INVS: variants seen among roughly 807,000 people sequenced by gnomAD.
The protein encoded by INVS is inversion of embryo turning homolog.
In INVS, 86 loss-of-function variants were observed where a neutral mutation model predicts 108.8. The observed-to-expected ratio is 0.79, with a 90% CI of 0.66 to 0.95. The LOEUF (loss-of-function observed/expected upper bound fraction) is 0.95. INVS is among the 40% of genes least tolerant of loss of function. The pLI, the probability that INVS is intolerant of heterozygous loss-of-function variation, is 0.00. For synonymous variants in INVS, 455 were observed against 473.5 expected, an observed-to-expected ratio of 0.96 and a Z score of 0.51; for missense variants, 1,169 against 1,297.4, an observed-to-expected ratio of 0.90 and a Z score of 1.52.
chr9:100,136,462 C>T (rs116676348), intron 3 of INVS, among the ~76,000 whole-genome samples: 2,754 of 151,920 alleles, frequency 0.018, 90 homozygotes, highest in African/African-American at 0.063. Context: ...ATCATTGTAC[C>T]AAAAAGAAAT....
At chr9:100,235,394 T>C (rs1831654362) in intron 5 of INVS, among the ~76,000 whole-genome samples, 1 of 152,224 alleles carries the variant, frequency 6.6e-6, no homozygotes, top group Non-Finnish European at 1.5e-5. Context: ...TATGTGTGAA[T>C]TTGATCCTGT....
rs775894646 is a variant in INVS, at chr9:100,240,109, G to A, written c.665G>A (p.Arg222Gln). ...SLLNWQDYEG[R>Q]TPLHFAVADG... Reference sequence around the variant, plus strand: ...CTGAACTGGCAAGACTACGAGGGTCGAACTCCTCTTCACTTTGCAGTTGCT... The same window carrying A: ...CTGAACTGGCAAGACTACGAGGGTCAAACTCCTCTTCACTTTGCAGTTGCT... The change falls in exon 6 of 17, where the codon CGA (arginine) becomes CAA (glutamine). Residue 222 changes from arginine to glutamine, a missense_variant. Coordinates refer to ENST00000262457, the MANE Select transcript of INVS (RefSeq NM_014425.5). The A allele has an allele frequency of 3.7e-6, 6 of 1,614,114 alleles. No individual in the cohort carries two copies. The highest frequency in any genetic ancestry group is 1.1e-5 in the South Asian group (1 of 91,078).
intron 10 of INVS, among the ~76,000 whole-genome samples, chr9:100,260,638 A>T (rs1468522103): frequency 6.6e-6 from 1 of 152,170 alleles, no homozygotes; most frequent in Non-Finnish European, 1.5e-5. Context: ...CCTTACAATA[A>T]TCTTATAAAG....
At chr9:100,273,710 G>T (rs1833031930) in intron 12 of INVS, among the ~76,000 whole-genome samples, 1 of 151,284 alleles carries the variant, frequency 6.6e-6, no homozygotes, top group East Asian at 2.0e-4. Flanking sequence ...GGTAATTTTT[G>T]TATTTTTAGT....
At chr9:100,236,688 G>A (rs1043022076) in intron 5 of INVS, among the ~76,000 whole-genome samples, 2 of 152,158 alleles carry the variant, frequency 1.3e-5, no homozygotes, top group African/African-American at 4.8e-5. Context: ...ACCAGCAGAG[G>A]CTACGGAACA....
rs1833812541 is a variant in INVS, at chr9:100,297,070, C to G, written c.2940C>G (p.Ser980Arg). Residue 980 changes from serine to arginine, a missense_variant, in exon 15 of 17, where the codon AGC (serine) becomes AGG (arginine). Coordinates refer to ENST00000262457, the MANE Select transcript of INVS (RefSeq NM_014425.5). ...ELKFPQTTAVSKAPKSPSKGT... is the reference protein window; with the variant it reads ...ELKFPQTTAVRKAPKSPSKGT... ...AATTCCCCCAAACCACTGCAGTAAG[C>G]AAGGCCCCCAAGAGTCCATCCAAGG... The G allele has an allele frequency of 1.2e-6, 2 of 1,613,902 alleles. No homozygotes were observed. Among genetic ancestry groups the G allele is most frequent in the Admixed American group, 1.7e-5 (1 of 59,988 alleles).
intron 3 of INVS, among the ~76,000 whole-genome samples, chr9:100,143,772 C>T (rs895907815): frequency 2.6e-5 from 4 of 151,956 alleles, no homozygotes; most frequent in South Asian, 4.2e-4. Context: ...GAAGCCTGGC[C>T]GTCAGTACCT....
intron 3 of INVS, among the ~76,000 whole-genome samples, chr9:100,195,770 G>A (rs1398533213): frequency 6.6e-6 from 1 of 152,144 alleles, no homozygotes; most frequent in Admixed American, 6.5e-5. Flanking sequence ...TTACAGGCGT[G>A]AGCCACCACA....
At chr9:100,155,930 C>T (rs1269830436) in intron 3 of INVS, among the ~76,000 whole-genome samples, 4 of 152,170 alleles carry the variant, frequency 2.6e-5, no homozygotes, top group African/African-American at 9.7e-5. Context: ...AATTTCATAG[C>T]ACTAGCTACT....
At chr9:100,272,126 C>T (rs1462430409) in intron 11 of INVS, among the ~76,000 whole-genome samples, 1 of 151,722 alleles carries the variant, frequency 6.6e-6, no homozygotes, top group East Asian at 1.9e-4. Context: ...CCTCGGCCTC[C>T]CAAAGTGCTG....
intron 3 of INVS, among the ~76,000 whole-genome samples, chr9:100,201,181 A>G (rs1169457064): frequency 2.6e-5 from 4 of 152,242 alleles, no homozygotes; most frequent in Admixed American, 6.5e-5. Flanking sequence ...TAAGGGTGGT[A>G]TGGAGGCAGG....
intron 10 of INVS, among the ~76,000 whole-genome samples, chr9:100,262,394 C>T (rs2118616961): frequency 6.6e-6 from 1 of 152,058 alleles, no homozygotes; most frequent in East Asian, 1.9e-4. Context: ...CAATTCAATT[C>T]CATTAATTAT....
At chr9:100,229,578 A>G (rs1256408954) in intron 4 of INVS, 82 bp from the exon 5 acceptor site, 14 of 1,261,552 alleles carry the variant, frequency 1.1e-5, no homozygotes, top group Non-Finnish European at 1.4e-5. Flanking sequence ...TAAAACTCTT[A>G]TAACAGTGCC....
chr9:100,115,697 T>A (rs1827493921), intron 2 of INVS, among the ~76,000 whole-genome samples: 3 of 152,254 alleles, frequency 2.0e-5, no homozygotes, highest in Admixed American at 2.0e-4. Context: ...TCTGTCATTA[T>A]TGGACATTTG....
In INVS at chr9:100,126,444, G is replaced by A; in HGVS notation, c.168G>A (p.Val56=). 1 of 1,614,120 alleles carries A rather than the reference G, an allele frequency of 6.2e-7. No individual in the cohort carries two copies. Among genetic ancestry groups the A allele is most frequent in the South Asian group, 1.1e-5 (1 of 91,082 alleles). ...GGAGAACACCACTTATGTATTGCGT[G>A]TTGGCTGACAGATTGGATTGTGCAG... ...QFGRTPLMYC[V]LADRLDCADA... Residue 56 remains valine (V), a synonymous_variant, in exon 3 of 17, where the codon GTG becomes GTA. Coordinates refer to ENST00000262457, the MANE Select transcript of INVS (RefSeq NM_014425.5).
chr9:100,243,346 T>C (rs1831939484), intron 7 of INVS, among the ~76,000 whole-genome samples: 1 of 152,202 alleles, frequency 6.6e-6, no homozygotes, highest in Non-Finnish European at 1.5e-5. Flanking sequence ...TCTTCCAGGA[T>C]TGTTGTAAAG....
At chr9:100,240,312 A>G (rs1831826490) in intron 6 of INVS, 72 bp downstream of exon 6, 1 of 1,123,140 alleles carries the variant, frequency 8.9e-7, no homozygotes, top group Admixed American at 1.7e-5. Flanking sequence ...CTTCCCTTCC[A>G]CTGTTTACTC....
Position 100,292,820 on chromosome 9 carries a change from T to C in INVS, c.2563T>C (p.Leu855=), listed in dbSNP as rs1833666911. 1.9e-6 allele frequency: 3 copies of C among 1,613,194 alleles called. No individual in the cohort carries two copies. In the South Asian group the frequency reaches 3.3e-5, roughly 18 times the overall value. The change falls in exon 14 of 17, where the codon TTG becomes CTG. Residue 855 remains leucine, a synonymous_variant. Transcript: ENST00000262457. ...YSHLPQSTEE[L]RSGARRLETS... is the part of the protein sequence containing the mutation. ...ACATTTGCCACAGAGCACAGAGGAG[T>C]TGAGGTCAGGAGCTAGGAGGCTGGA...
chr9:100,138,770 G>A (rs1212936740), intron 3 of INVS, among the ~76,000 whole-genome samples: 3 of 140,342 alleles, frequency 2.1e-5, no homozygotes, highest in East Asian at 2.4e-4. Flanking sequence ...GCAGCAGCAC[G>A]ATCTCGGCTC....
Sources: allele counts gnomAD v4.1 joint callset (sites outside exome capture counted in the v4.1 genomes callset), GRCh38; gene constraint gnomAD v4.1.1; transcripts MANE v1.5; gene names NCBI Gene and HGNC (gene_info 2026-07-23, HGNC 2026-07-21).